Variants in NBPF11 observed in about 807,000 individuals in gnomAD.
NBPF11 encodes the protein NBPF member 11.
NBPF11 carries 72 observed loss-of-function variants against 93.9 expected under a neutral mutation model. The observed-to-expected ratio is 0.77, with a 90% CI of 0.63 to 0.93. The LOEUF is 0.93. Ranked by LOEUF, NBPF11 falls within the 40% of genes least tolerant of loss-of-function variation. The pLI, the probability that NBPF11 is intolerant of heterozygous loss-of-function variation, is 0.00. For missense variants in NBPF11, 705 were observed against 802.2 expected (o/e 0.88, Z 1.46); for synonymous variants, 224 against 304.9 (o/e 0.73, Z 2.76).
intron 6 of NBPF11, 39 bp downstream of exon 6, chr1:148,124,860 A>G (rs782453665): frequency 6.2e-6 from 10 of 1,602,020 alleles, no homozygotes; most frequent in Admixed American, 1.7e-5. Context: ...AGAGATCTAC[A>G]CACCTACCTG....
chr1:148,133,676 G>A (rs1467678115), intron 4 of NBPF11, among the ~76,000 whole-genome samples: 22 of 151,310 alleles, frequency 1.5e-4, no homozygotes, highest in Non-Finnish European at 2.2e-4. Flanking sequence ...GGTGGCTCAC[G>A]CCTGTAATCC....
At chr1:148,124,162 G>C (rs1310455817) in intron 6 of NBPF11, 95 bp from the exon 7 acceptor site, 14 of 1,282,450 alleles carry the variant, frequency 1.1e-5, no homozygotes, top group Non-Finnish European at 1.5e-5. Flanking sequence ...TGTTCTCAAG[G>C]AGACCTTCAA....
chr1:148,119,800 C>A (rs1667413308), intron 10 of NBPF11, among the ~76,000 whole-genome samples: 1 of 151,902 alleles, frequency 6.6e-6, no homozygotes, highest in Non-Finnish European at 1.5e-5. Flanking sequence ...TGATTACAGT[C>A]ACCTGCCACC....
intron 6 of NBPF11, 88 bp downstream of exon 6, chr1:148,124,811 G>C (rs1553272530): frequency 3.4e-5 from 48 of 1,409,438 alleles, no homozygotes; most frequent in Non-Finnish European, 6.0e-6. Context: ...CCCTGGCCCA[G>C]CTTCGTTCTT....
intron 17 of NBPF11, among the ~76,000 whole-genome samples, chr1:148,109,029 A>T (rs1664587711): frequency 6.6e-6 from 1 of 151,508 alleles, no homozygotes; most frequent in South Asian, 2.1e-4. Flanking sequence ...AATGTGCTCA[A>T]GTTTCCCTGC....
intron 1 of NBPF11, among the ~76,000 whole-genome samples, chr1:148,150,559 T>C (rs1348617250): frequency 4.0e-5 from 6 of 151,622 alleles, no homozygotes; most frequent in Non-Finnish European, 8.8e-5. Context: ...ACTAATTAAA[T>C]TTAAAAACAA....
intron 1 of NBPF11, chr1:148,149,304 A>G: frequency 6.3e-7 from 1 of 1,596,852 alleles, no homozygotes; most frequent in Non-Finnish European, 8.5e-7. Context: ...GCCTTCCGCG[A>G]CACCAAGAAG....
At position 148,143,597 on chromosome 1, in the gene NBPF11, CAGG is replaced by C; in HGVS notation, c.-462_-460del. 1 of 207,606 alleles carries C rather than the reference CAGG, an allele frequency of 4.8e-6. No homozygotes were observed. The allele number at this position is 207,606 out of a possible 1,614,324, so 12.9% of individuals were successfully genotyped here. ...ACAGCACTGAAGCTCCAGACATCCT[CAGG>C]AGAATGATAAGGGACAATCTGCTCA... On this transcript the variant is annotated 5_prime_UTR_variant, in exon 2 of 24. Coordinates refer to ENST00000682118, the MANE Select transcript of NBPF11 (RefSeq NM_001385469.3).
chr1:148,116,266 G>A (rs1474430341), intron 13 of NBPF11, among the ~76,000 whole-genome samples, 197 bp downstream of exon 13: 13 of 152,122 alleles, frequency 8.5e-5, no homozygotes, highest in Admixed American at 2.0e-4. Context: ...ATCCCTGTAC[G>A]GTGCAGACAT....
At chr1:148,132,592 C>T (rs1295707449) in intron 4 of NBPF11, among the ~76,000 whole-genome samples, 4 of 148,886 alleles carry the variant, frequency 2.7e-5, no homozygotes, top group Admixed American at 6.7e-5. Context: ...AGAACTGACT[C>T]TTTAAACATA....
At chr1:148,125,315 C>G (rs77047782) in intron 5 of NBPF11, among the ~76,000 whole-genome samples, 1 of 151,926 alleles carries the variant, frequency 6.6e-6, no homozygotes, top group East Asian at 1.9e-4. Flanking sequence ...CTTTCCCAAG[C>G]CTTGCAGCCT....
intron 7 of NBPF11, 25 bp downstream of exon 7, chr1:148,123,828 T>C: frequency 7.0e-7 from 1 of 1,438,810 alleles, no homozygotes; most frequent in Non-Finnish European, 9.7e-7. Context: ...GGGTTTTGGG[T>C]CATCAGGGCC....
At chr1:148,119,289 G>A (rs1182486179) in intron 10 of NBPF11, among the ~76,000 whole-genome samples, 29 of 151,664 alleles carry the variant, frequency 1.9e-4, no homozygotes, top group Non-Finnish European at 3.2e-4. Flanking sequence ...ATGCCCAAAT[G>A]CTAATGAAGT....
intron 2 of NBPF11, among the ~76,000 whole-genome samples, chr1:148,142,651 C>A (rs1157952247): frequency 1.3e-5 from 2 of 152,082 alleles, no homozygotes; most frequent in Non-Finnish European, 2.9e-5. Context: ...TCTTTCTCCC[C>A]CTCTCAATGC....
rs1673256483 is a variant in NBPF11 at position 148,147,031 on chromosome 1, G to T, written c.-548-3345C>A. The stretch of plus-strand genomic sequence containing the variant: ...GGAAGGTGGGCGGCCCTGCAGGAGG[G>T]GAGCCACAGTGGATGCACAGGGCCA... On this transcript the variant is annotated intron_variant, in intron 1 of 23. Transcript: ENST00000682118. 48 of 1,134,888 alleles carry T rather than the reference G, an allele frequency of 4.2e-5. 1 individual carries two copies. In the Middle Eastern group the frequency reaches 8.6e-4, roughly 20 times the overall value. 70.3% of individuals were successfully genotyped at this position (1,134,888 alleles called of 1,614,324 possible). A position where few individuals can be genotyped will look rare whatever the true frequency, so the allele number is the denominator to read the frequency against.
chr1:148,107,407 G>A (rs1329317010), intron 19 of NBPF11, among the ~76,000 whole-genome samples: 6 of 150,882 alleles, frequency 4.0e-5, no homozygotes, highest in Non-Finnish European at 7.4e-5. Flanking sequence ...GTGCCCTCGG[G>A]ACACACAGCG....
intron 2 of NBPF11, among the ~76,000 whole-genome samples, chr1:148,141,085 A>T (rs1672087915): frequency 6.6e-6 from 1 of 151,950 alleles, no homozygotes; most frequent in Non-Finnish European, 1.5e-5. Flanking sequence ...ACTCTAGGAC[A>T]TTCTTGGAAA....
intron 2 of NBPF11, among the ~76,000 whole-genome samples, 178 bp downstream of exon 2, chr1:148,143,237 G>A (rs1157911045): frequency 1.3e-5 from 2 of 152,042 alleles, no homozygotes; most frequent in African/African-American, 4.8e-5. Flanking sequence ...CAAGTCCAGG[G>A]CGGCACACGC....
intron 8 of NBPF11, among the ~76,000 whole-genome samples, 166 bp from the exon 9 acceptor site, chr1:148,122,432 A>G (rs1423943055): frequency 6.6e-6 from 1 of 152,080 alleles, no homozygotes; most frequent in Non-Finnish European, 1.5e-5. Context: ...TCTGCAACAG[A>G]GCTTCGCTGC....
Sources: gnomAD v4.1 joint callset for allele counts (sites outside exome capture counted in the v4.1 genomes callset) on GRCh38, gnomAD v4.1.1 for gene constraint, MANE v1.5 for transcripts, NCBI Gene and HGNC (gene_info 2026-07-23, HGNC 2026-07-21) for gene names.